PIK3C2G: variants seen among roughly 807,000 people sequenced by gnomAD.
PIK3C2G encodes the protein phosphatidylinositol-4-phosphate 3-kinase catalytic subunit type 2 gamma.
In PIK3C2G, 168 loss-of-function variants were observed where a neutral mutation model predicts 181.1. The ratio of observed to expected loss-of-function variants is 0.93; its 90% CI spans 0.82 to 1.05. The LOEUF (loss-of-function observed/expected upper bound fraction) is 1.05, where lower values mean the gene tolerates loss of function less well. PIK3C2G is among the 50% of genes least tolerant of loss of function. PIK3C2G has a pLI of 0.00. For missense variants in PIK3C2G, 1,869 were observed against 1,732.8 expected (o/e 1.08, Z -1.40); for synonymous variants, 573 against 592.2 (o/e 0.97, Z 0.47).
intron 5 of PIK3C2G, among the ~76,000 whole-genome samples, chr12:18,303,395 C>T (rs1312989200): frequency 6.6e-6 from 1 of 151,716 alleles, no homozygotes; most frequent in Non-Finnish European, 1.5e-5. Context: ...AGTGCAGTGG[C>T]ATGATCTTGG....
rs189859789 is a variant in PIK3C2G at position 18,408,927 on chromosome 12, G to A, written c.2315+9080G>A. Among the ~76,000 whole-genome samples, 3 of 152,280 alleles carry A rather than the reference G, an allele frequency of 2.0e-5. No homozygotes were observed. In the East Asian group the frequency reaches 5.8e-4, roughly 30 times the overall value. On this transcript the variant is annotated intron_variant, in intron 16 of 32. Transcript: ENST00000538779. ...ATGCTGGAGAGGATGTGGGGAAATA[G>A]GAACGCTTTTATACTGTTGGTGGGA...
intron 24 of PIK3C2G, among the ~76,000 whole-genome samples, chr12:18,531,879 A>C (rs1371920118): frequency 6.6e-6 from 1 of 152,178 alleles, no homozygotes; most frequent in Non-Finnish European, 1.5e-5. Flanking sequence ...TATTTCTCTG[A>C]GGTAAATGTC....
chr12:18,554,689 T>C (rs1193092335), intron 26 of PIK3C2G, among the ~76,000 whole-genome samples: 1 of 152,072 alleles, frequency 6.6e-6, no homozygotes, highest in Non-Finnish European at 1.5e-5. Context: ...GCAGTATGAA[T>C]TTGTAGTAAA....
chr12:18,535,349 G>A (rs1040640303), intron 24 of PIK3C2G, among the ~76,000 whole-genome samples: 1 of 151,988 alleles, frequency 6.6e-6, no homozygotes, highest in Non-Finnish European at 1.5e-5. Context: ...TGAAAATTTA[G>A]ACTATGATAA....
the PIK3C2G span, chr12:18,694,236 C>T: frequency 4.7e-4 from 285 of 604,702 alleles, 1 homozygote; most frequent in African/African-American, 4.2e-3. Flanking sequence ...TTTTGGAGTA[C>T]GATGTGTAAG....
intron 5 of PIK3C2G, among the ~76,000 whole-genome samples, chr12:18,304,437 A>G (rs888172968): frequency 6.6e-6 from 1 of 152,042 alleles, no homozygotes; most frequent in Non-Finnish European, 1.5e-5. Flanking sequence ...TTGTATTTTT[A>G]GTAGAGATGA....
rs535799807 is a variant in PIK3C2G at position 18,253,266 on chromosome 12, G to A, written c.-79+5184G>A. 9.8e-5 allele frequency among the ~76,000 whole-genome samples: 12 copies of A among 122,266 alleles called. 1 individual carries two copies. In the South Asian group the frequency reaches 2.2e-3, roughly 22 times the overall value. 80.2% of individuals were successfully genotyped at this position (122,266 alleles called of 152,430 possible). A position where few individuals can be genotyped will look rare whatever the true frequency, so the allele number is the denominator to read the frequency against. On this transcript the variant is annotated intron_variant, in intron 1 of 11. Coordinates refer to the PIK3C2G transcript ENST00000535651. ...AAATGAATAAAGAAATAAATAAGTC[G>A]ATAAATTAAAAAAACTTATTTGTAA...
intron 24 of PIK3C2G, among the ~76,000 whole-genome samples, chr12:18,526,600 C>G (rs767856423): frequency 2.4e-4 from 36 of 152,054 alleles, no homozygotes; most frequent in Admixed American, 4.6e-4. Context: ...TTCTGTAACC[C>G]TAGCTGGAAA....
intron 30 of PIK3C2G, among the ~76,000 whole-genome samples, chr12:18,603,554 C>A (rs1176495818): frequency 6.6e-6 from 1 of 151,866 alleles, no homozygotes; most frequent in Non-Finnish European, 1.5e-5. Flanking sequence ...AAGTTCTTCT[C>A]CTGAGCACAT....
intron 18 of PIK3C2G, among the ~76,000 whole-genome samples, chr12:18,470,515 T>C (rs897925788): frequency 1.3e-5 from 2 of 152,120 alleles, no homozygotes; most frequent in African/African-American, 4.8e-5. Context: ...CCATAGAAAG[T>C]TGTGCACTTT....
intron 10 of PIK3C2G, among the ~76,000 whole-genome samples, chr12:18,343,806 A>G (rs1020841503): frequency 1.3e-5 from 2 of 152,046 alleles, no homozygotes; most frequent in Non-Finnish European, 2.9e-5. Context: ...AGCTAATATA[A>G]CAGGTAGGAG....
intron 18 of PIK3C2G, among the ~76,000 whole-genome samples, chr12:18,431,109 C>A (rs1333931831): frequency 3.3e-5 from 5 of 152,120 alleles, no homozygotes; most frequent in Admixed American, 1.3e-4. Flanking sequence ...CAATACGTAT[C>A]CCCTAATGCC....
chr12:18,612,151 T>A (rs1457621536), intron 31 of PIK3C2G, among the ~76,000 whole-genome samples: 1 of 152,088 alleles, frequency 6.6e-6, no homozygotes, highest in Non-Finnish European at 1.5e-5. Context: ...TCTTTGCTGT[T>A]CCTTGAATAT....
At chr12:18,450,698 G>A (rs12227918) in intron 18 of PIK3C2G, among the ~76,000 whole-genome samples, 20,680 of 152,026 alleles carry the variant, frequency 0.14, 1,526 homozygotes, top group African/African-American at 0.18. Flanking sequence ...TTTCTTCTAG[G>A]GTTTTTATGG....
intron 21 of PIK3C2G, among the ~76,000 whole-genome samples, chr12:18,497,054 C>T (rs1429987479): frequency 6.6e-6 from 1 of 152,168 alleles, no homozygotes; most frequent in Non-Finnish European, 1.5e-5. Context: ...ATGACTATCA[C>T]CACTTTATCA....
chr12:18,609,435 A>G (rs1000164067), intron 30 of PIK3C2G, 100 bp from the exon 31 acceptor site: 12 of 662,358 alleles, frequency 1.8e-5, no homozygotes, highest in African/African-American at 1.1e-4. Flanking sequence ...TGTTTCTTCT[A>G]CTTGTTATTT....
chr12:18,659,234 C>A, the PIK3C2G span, among the ~76,000 whole-genome samples: 2 of 152,134 alleles, frequency 1.3e-5, no homozygotes, highest in Non-Finnish European at 2.9e-5. Flanking sequence ...ACCACTTTAC[C>A]TTTACCATCT....
chr12:18,636,153 G>A (rs536828911), intron 31 of PIK3C2G, among the ~76,000 whole-genome samples: 1 of 152,198 alleles, frequency 6.6e-6, no homozygotes, highest in Non-Finnish European at 1.5e-5. Flanking sequence ...GTACCCCTGA[G>A]GTAGGACAGT....
In PIK3C2G at chr12:18,602,127, G is replaced by C. The variant is rs558214090; in HGVS notation, c.4088-7408G>C. Among the ~76,000 whole-genome samples the C allele has an allele frequency of 3.9e-5, 6 of 152,204 alleles. No individual in the cohort carries two copies. In the South Asian group the frequency reaches 1.0e-3, roughly 26 times the overall value. ...CCCTTTTCTTTTGCAGCTGGGAGGT[G>C]GAAAGCTTTGGGCAACTTTTCGAGC... On this transcript the variant is annotated intron_variant, in intron 30 of 32. Transcript: ENST00000538779.
Sources: allele counts gnomAD v4.1 joint callset (sites outside exome capture counted in the v4.1 genomes callset), GRCh38; gene constraint gnomAD v4.1.1; transcripts MANE v1.5; gene names NCBI Gene and HGNC (gene_info 2026-07-23, HGNC 2026-07-21).